PTCH1: variants seen among roughly 807,000 people sequenced by gnomAD.
PTCH1 encodes the protein protein patched homolog 1.
Under a neutral mutation model 144.6 loss-of-function variants are expected in PTCH1, and 14 were observed. The observed-to-expected ratio is 0.10, with a 90% CI of 0.06 to 0.15. PTCH1 has a LOEUF of 0.15. PTCH1 is among the 10% of genes least tolerant of loss of function. PTCH1 has a pLI of 1.00. For missense variants in PTCH1, 1,623 were observed against 1,948.3 expected, an observed-to-expected ratio of 0.83 and a Z score of 3.14; for synonymous variants, 833 against 793.6, an observed-to-expected ratio of 1.05 and a Z score of -0.83.
intron 12 of PTCH1, among the ~76,000 whole-genome samples, chr9:95,471,588 C>A (rs1182161310): frequency 6.6e-6 from 1 of 152,216 alleles, no homozygotes; most frequent in East Asian, 1.9e-4. Context: ...CAAAATCCTA[C>A]TCTCAATTCT....
At chr9:95,473,873 G>A (rs116917214) in intron 12 of PTCH1, 1 of 325,430 alleles carries the variant, frequency 3.1e-6, no homozygotes, top group Non-Finnish European at 6.1e-6. Flanking sequence ...GAATTAACCA[G>A]TGTCATGAGG....
chr9:95,445,939 A>C lies in PTCH1; in HGVS notation c.*454T>G, dbSNP rs538650414. On this transcript the variant is annotated 3_prime_UTR_variant, in exon 24 of 24. Transcript: ENST00000331920. ...ATACTACCACAGGGTTGTGATATGCAAATTTAAAATATTTTAAACAGAAAC... is the reference window on the plus strand; with the variant it reads ...ATACTACCACAGGGTTGTGATATGCCAATTTAAAATATTTTAAACAGAAAC... 2.7e-4 allele frequency: 43 copies of C among 160,892 alleles called. No individual in the cohort carries two copies. The highest frequency in any genetic ancestry group is 3.2e-3 in the Middle Eastern group (1 of 308). 10.0% of individuals were successfully genotyped at this position (160,892 alleles called of 1,614,324 possible).
intron 2 of PTCH1, among the ~76,000 whole-genome samples, chr9:95,495,652 T>A (rs1842739901): frequency 6.6e-6 from 1 of 152,090 alleles, no homozygotes; most frequent in African/African-American, 2.4e-5. Context: ...GGTTAGTTCC[T>A]CCTCTTCTAA....
At position 95,473,706 on chromosome 9, in the gene PTCH1, G is replaced by A. The variant is rs371030016; in HGVS notation, c.1728+2328C>T. Among the ~76,000 whole-genome samples the A allele has an allele frequency of 2.4e-4, 36 of 151,674 alleles. No individual in the cohort carries two copies. The East Asian group carries it at 4.9e-3, about 20-fold the overall frequency. ...ATTACAGGCGTGAGCCACCGCGCCC[G>A]GCAAATTTTGTATTTTTAGTAGAGA... On this transcript the variant is annotated intron_variant, in intron 12 of 23. Transcript: ENST00000331920.
chr9:95,456,145 G>A (rs1462753571), intron 19 of PTCH1, 131 bp downstream of exon 19: 7 of 1,371,422 alleles, frequency 5.1e-6, no homozygotes, highest in Non-Finnish European at 7.0e-6. Flanking sequence ...CTCTCCTAGG[G>A]GGCCCCTGTG....
Position 95,446,367 on chromosome 9 carries a change from C to T in PTCH1, c.*26G>A, listed in dbSNP as rs779544325. The T allele has an allele frequency of 1.4e-5, 7 of 518,452 alleles. No individual in the cohort carries two copies. The highest frequency in any genetic ancestry group is 2.3e-5 in the Non-Finnish European group (6 of 259,778). The allele number at this position is 518,452 out of a possible 1,614,324, so 32.1% of individuals were successfully genotyped here. A position where few individuals can be genotyped will look rare whatever the true frequency, so the allele number is the denominator to read the frequency against. ...GGGTGGGGGGTTTCCAATCTTTGGCCTCTTTGCTTCAGATTTTAATCACCC... is the reference window on the plus strand; with the variant it reads ...GGGTGGGGGGTTTCCAATCTTTGGCTTCTTTGCTTCAGATTTTAATCACCC... On this transcript the variant is annotated 3_prime_UTR_variant, in exon 24 of 24. Transcript: ENST00000331920.
rs1270847293 is a variant in PTCH1, at chr9:95,443,925, C to T, written c.*2468G>A. On this transcript the variant is annotated 3_prime_UTR_variant, in exon 24 of 24. Transcript: ENST00000331920. ...GTCCTTAATGTAAATGTTATATACT[C>T]TGAACTATTTAACATTAGTAAGCAC... The T allele has an allele frequency of 6.6e-6, 1 of 152,576 alleles. No homozygotes were observed. The highest frequency in any genetic ancestry group is 2.1e-4 in the South Asian group (1 of 4,828). The allele number at this position is 152,576 out of a possible 1,614,324, so 9.5% of individuals were successfully genotyped here. A position where few individuals can be genotyped will look rare whatever the true frequency, so the allele number is the denominator to read the frequency against.
chr9:95,507,862 T>G (rs1221451094), intron 1 of PTCH1: 1 of 1,194,290 alleles, frequency 8.4e-7, no homozygotes, highest in East Asian at 4.0e-5. Flanking sequence ...CGTGGACGGC[T>G]TTCCAGTGCT....
At position 95,509,200 on chromosome 9, in the gene PTCH1, A is replaced by G. The variant is rs1844008168; in HGVS notation, c.-839T>C. Among the ~76,000 whole-genome samples the G allele has an allele frequency of 7.0e-6, 1 of 143,612 alleles. No homozygotes were observed. The highest frequency in any genetic ancestry group is 2.4e-4 in the South Asian group (1 of 4,110). The allele number at this position is 143,612 out of a possible 152,430, so 94.2% of individuals were successfully genotyped here. On this transcript the variant is annotated 5_prime_UTR_variant, in exon 1 of 24. Transcript: ENST00000331920. ...GCAGCTCCTTGATTCAATAGATGAG[A>G]TGGAAGAAGAAAAAAAAGAACTCTC...
chr9:95,474,244 G>A (rs1588591292), intron 12 of PTCH1: 4 of 325,004 alleles, frequency 1.2e-5, no homozygotes, highest in Admixed American at 3.8e-5. Flanking sequence ...AAAAGAAGGG[G>A]AGAGGAGAGA....
intron 16 of PTCH1, among the ~76,000 whole-genome samples, chr9:95,460,601 G>C (rs1839372571): frequency 6.6e-6 from 1 of 152,188 alleles, no homozygotes; most frequent in African/African-American, 2.4e-5. Context: ...AAGGAAGAAG[G>C]AGCAGGGAGA....
At chr9:95,489,817 T>G (rs1339554817) in intron 2 of PTCH1, among the ~76,000 whole-genome samples, 2 of 151,432 alleles carry the variant, frequency 1.3e-5, no homozygotes, top group Non-Finnish European at 2.9e-5. Flanking sequence ...TTTTTTTTTT[T>G]TGTGACGGAG....
At chr9:95,466,749 C>T (rs577722292) in intron 15 of PTCH1, among the ~76,000 whole-genome samples, 2 of 152,328 alleles carry the variant, frequency 1.3e-5, no homozygotes, top group African/African-American at 4.8e-5. Flanking sequence ...ATTTGGCAAT[C>T]AGTCTGGAAA....
At chr9:95,499,942 G>C (rs1843038676) in intron 2 of PTCH1, among the ~76,000 whole-genome samples, 1 of 151,856 alleles carries the variant, frequency 6.6e-6, no homozygotes, top group Non-Finnish European at 1.5e-5. Context: ...GGAGAACAGG[G>C]CAGACGAGTT....
chr9:95,453,692 T>C (rs1838674396), intron 19 of PTCH1, 72 bp from the exon 20 acceptor site: 1 of 1,593,258 alleles, frequency 6.3e-7, no homozygotes, highest in Non-Finnish European at 8.5e-7. Context: ...CTGTCCTAAA[T>C]GTTACAAGCT....
chr9:95,481,523 G>A (rs1841532466), intron 5 of PTCH1, among the ~76,000 whole-genome samples: 1 of 152,098 alleles, frequency 6.6e-6, no homozygotes, highest in African/African-American at 2.4e-5. Context: ...TCTAAAGAAA[G>A]GTTAGCTTTT....
Position 95,449,993 on chromosome 9 carries a change from C to T in PTCH1, c.3450-53G>A. The T allele has an allele frequency of 2.0e-6, 3 of 1,517,296 alleles. No homozygotes were observed. The highest frequency in any genetic ancestry group is 2.7e-6 in the Non-Finnish European group (3 of 1,096,034). The allele number at this position is 1,517,296 out of a possible 1,614,324, so 94.0% of individuals were successfully genotyped here. A position where few individuals can be genotyped will look rare whatever the true frequency, so the allele number is the denominator to read the frequency against. On this transcript the variant is annotated intron_variant, in intron 20 of 23. Coordinates refer to ENST00000331920, the MANE Select transcript of PTCH1 (RefSeq NM_000264.5). The surrounding 1 kb of genome is among the most constrained non-coding windows in gnomAD (Gnocchi z 5.3). ...CGCGCTGTGACAGGGTGGATCGCGCCACCCTCCGTGTGCCCGACACAGCAG... is the reference window on the plus strand; with the variant it reads ...CGCGCTGTGACAGGGTGGATCGCGCTACCCTCCGTGTGCCCGACACAGCAG...
rs2118465565 is a variant in PTCH1 at position 95,482,021 on chromosome 9, G to A, written c.674C>T (p.Pro225Leu). ...YMDQIIEYLYPCLIITPLDCF... is the reference protein window; with the variant it reads ...YMDQIIEYLYLCLIITPLDCF... ...GTCCAAAGGTGTAATAATCAAACAA[G>A]GGTAAAGATATTCTATTATCTGTCA... Residue 225 changes from proline (P) to leucine (L), a missense_variant, in exon 5 of 24, where the codon CCT becomes CTT. This residue lies in a region of PTCH1 where 39 missense variants were observed against 75.6 expected (regional missense o/e 0.52). Coordinates refer to ENST00000331920, the MANE Select transcript of PTCH1 (RefSeq NM_000264.5). 2 of 1,613,890 alleles carry A rather than the reference G, an allele frequency of 1.2e-6. No individual in the cohort carries two copies. Among genetic ancestry groups the A allele is most frequent in the East Asian group, 2.2e-5 (1 of 44,864 alleles).
rs1395471972 is a variant in PTCH1, at chr9:95,443,282, C to T, written c.*3111G>A. 5 of 152,312 alleles carry T rather than the reference C, an allele frequency of 3.3e-5. No individual in the cohort carries two copies. Among genetic ancestry groups the T allele is most frequent in the Middle Eastern group, 3.4e-3 (1 of 294 alleles). 9.4% of individuals were successfully genotyped at this position (152,312 alleles called of 1,614,324 possible). A position where few individuals can be genotyped will look rare whatever the true frequency, so the allele number is the denominator to read the frequency against. On this transcript the variant is annotated 3_prime_UTR_variant, in exon 24 of 24. Coordinates refer to ENST00000331920, the MANE Select transcript of PTCH1 (RefSeq NM_000264.5). ...AAAGGAGGAAAACCTAAAACTCTCTCCATCAGATAGAGCAAAAAAGAAGAG... is the reference window on the plus strand; with the variant it reads ...AAAGGAGGAAAACCTAAAACTCTCTTCATCAGATAGAGCAAAAAAGAAGAG...
Sources: allele counts gnomAD v4.1 joint callset (sites outside exome capture counted in the v4.1 genomes callset), GRCh38; gene constraint gnomAD v4.1.1; regional missense constraint gnomAD v4.1.1; non-coding constraint Gnocchi (gnomAD v3.1); transcripts MANE v1.5; gene names NCBI Gene and HGNC (gene_info 2026-07-23, HGNC 2026-07-21).